ZPBP: variants seen among roughly 807,000 people sequenced by gnomAD.
ZPBP encodes zona pellucida binding protein, also known as zona pellucida-binding protein 1.
Under a neutral mutation model 44.8 loss-of-function variants are expected in ZPBP, and 26 were observed. That is an observed-to-expected ratio of 0.58 (90% confidence interval 0.43 to 0.81). The LOEUF is 0.81. ZPBP is among the 30% of genes least tolerant of loss of function. ZPBP has a pLI of 0.00. For synonymous variants in ZPBP, 174 were observed against 153.2 expected, an observed-to-expected ratio of 1.14 and a Z score of -1.00; for missense variants, 409 against 434.0, an observed-to-expected ratio of 0.94 and a Z score of 0.51.
chr7:49,861,227 A>G (rs1790639144), intron 2 of ZPBP, among the ~76,000 whole-genome samples: 3 of 152,010 alleles, frequency 2.0e-5, no homozygotes, highest in Non-Finnish European at 2.9e-5. Flanking sequence ...ATGGAATCCT[A>G]TTGTGGTTTG....
At chr7:49,873,812 T>C (rs1302953894) in intron 2 of ZPBP, among the ~76,000 whole-genome samples, 1 of 151,310 alleles carries the variant, frequency 6.6e-6, no homozygotes, top group Non-Finnish European at 1.5e-5. Context: ...AAGAGAAAAA[T>C]GGATTAATTA....
intron 2 of ZPBP, among the ~76,000 whole-genome samples, chr7:49,868,150 T>C (rs761755511): frequency 2.0e-4 from 30 of 152,102 alleles, no homozygotes; most frequent in Admixed American, 7.2e-4. Context: ...AATTACATTA[T>C]AAGTGAGGAA....
chr7:49,909,311 C>CA (rs1231671978), intron 1 of ZPBP, among the ~76,000 whole-genome samples: 1 of 151,690 alleles, frequency 6.6e-6, no homozygotes, highest in Non-Finnish European at 1.5e-5. Context: ...TTTACCTCTG[C>CA]AAAAAAAGAT....
chr7:49,982,194 A>G (rs1738267883), intron 7 of ZPBP, among the ~76,000 whole-genome samples: 1 of 37,608 alleles, frequency 2.7e-5, no homozygotes, highest in Non-Finnish European at 4.5e-5. Flanking sequence ...ATTATTATAT[A>G]TATTTATTAT....
rs148915437 is a variant in ZPBP, at chr7:49,905,792, A to G, written n.412-4577T>C. 3.3e-3 allele frequency among the ~76,000 whole-genome samples: 508 copies of G among 152,302 alleles called. 1 individual carries two copies. Among genetic ancestry groups the G allele is most frequent in the African/African-American group, 0.011 (469 of 41,564 alleles). On this transcript the variant is annotated intron_variant and non_coding_transcript_variant, in intron 1 of 2. Coordinates refer to the ZPBP transcript ENST00000465922. Reference sequence around the variant, plus strand: ...CGCAAGAAAGAGGTCGGCTCAAGAAACAGGTCATAAAGCCCTTGCTGATAA... The same window carrying G: ...CGCAAGAAAGAGGTCGGCTCAAGAAGCAGGTCATAAAGCCCTTGCTGATAA...
At chr7:49,929,983 A>T (rs770130168) in intron 1 of ZPBP, among the ~76,000 whole-genome samples, 6 of 152,232 alleles carry the variant, frequency 3.9e-5, no homozygotes, top group African/African-American at 1.4e-4. Context: ...AAATGAAGGT[A>T]TCACTTTCTA....
At chr7:49,983,836 A>C (rs899313367) in intron 6 of ZPBP, among the ~76,000 whole-genome samples, 3 of 152,086 alleles carry the variant, frequency 2.0e-5, no homozygotes, top group Non-Finnish European at 4.4e-5. Context: ...TTGATTAAGA[A>C]ATGTAATGTA....
At chr7:49,991,749 G>A (rs1303449176) in intron 6 of ZPBP, among the ~76,000 whole-genome samples, 1 of 151,952 alleles carries the variant, frequency 6.6e-6, no homozygotes, top group East Asian at 1.9e-4. Flanking sequence ...GACAGAGAGT[G>A]GGCAGGTAGA....
At chr7:49,905,376 C>T (rs1045970202) in intron 1 of ZPBP, among the ~76,000 whole-genome samples, 4 of 152,110 alleles carry the variant, frequency 2.6e-5, no homozygotes, top group African/African-American at 9.7e-5. Flanking sequence ...TGTGAAAGAA[C>T]CAGTACAATA....
intron 2 of ZPBP, among the ~76,000 whole-genome samples, chr7:49,875,933 C>T (rs956141016): frequency 6.6e-6 from 1 of 152,150 alleles, no homozygotes; most frequent in Non-Finnish European, 1.5e-5. Context: ...GTGTTTAATA[C>T]ATAGTGGCTG....
intron 7 of ZPBP, among the ~76,000 whole-genome samples, chr7:49,965,502 A>C (rs2128766886): frequency 6.6e-6 from 1 of 152,236 alleles, no homozygotes; most frequent in East Asian, 1.9e-4. Flanking sequence ...CTACACCAAA[A>C]GAAATATTAA....
intron 3 of ZPBP, among the ~76,000 whole-genome samples, chr7:50,076,622 A>G (rs1802095211): frequency 6.6e-6 from 1 of 151,908 alleles, no homozygotes; most frequent in Non-Finnish European, 1.5e-5. Flanking sequence ...AAAATGTAAA[A>G]AGAAATAAAA....
chr7:50,053,090 T>A (rs746991870), intron 4 of ZPBP, among the ~76,000 whole-genome samples: 1 of 152,082 alleles, frequency 6.6e-6, no homozygotes, highest in African/African-American at 2.4e-5. Context: ...AAAGTACACA[T>A]AAACCTGGAA....
At chr7:49,957,890 T>A (rs1795680569) in intron 7 of ZPBP, among the ~76,000 whole-genome samples, 1 of 152,158 alleles carries the variant, frequency 6.6e-6, no homozygotes, top group South Asian at 2.1e-4. Context: ...GAGCTGTTGT[T>A]TGAGCTATGA....
In ZPBP at chr7:49,983,469, G is replaced by A. The variant is rs369938364; in HGVS notation, c.834C>T (p.Gly278=). 3.8e-4 allele frequency: 616 copies of A among 1,609,848 alleles called. 2 individuals carry two copies. Among genetic ancestry groups the A allele is most frequent in the Middle Eastern group, 2.2e-3 (13 of 6,032 alleles). The change falls in exon 7 of 8, where the codon GGC becomes GGT. Residue 278 remains glycine (G), a synonymous_variant. Coordinates refer to ENST00000046087, the MANE Select transcript of ZPBP (RefSeq NM_007009.3). ...RFFNQQVEIL[G]RRAEQLPQIY... is the part of the protein sequence containing the mutation. ...TTTGAGGTAATTGTTCTGCACGTCT[G>A]CCAAGAATTTCTACTTGTTGATTAA... is the stretch of plus-strand genomic sequence containing the variant.
intron 5 of ZPBP, among the ~76,000 whole-genome samples, chr7:50,022,164 C>G (rs1015359086): frequency 6.6e-6 from 1 of 152,014 alleles, no homozygotes; most frequent in Non-Finnish European, 1.5e-5. Context: ...TAGATAGTAA[C>G]TTGTTACTAC....
chr7:50,068,887 T>C (rs1172507264), intron 3 of ZPBP, among the ~76,000 whole-genome samples: 1 of 152,238 alleles, frequency 6.6e-6, no homozygotes, highest in Non-Finnish European at 1.5e-5. Flanking sequence ...TGCTTTTATC[T>C]GCACCCTGGA....
At chr7:49,990,872 C>A (rs1039192997) in intron 6 of ZPBP, among the ~76,000 whole-genome samples, 1 of 152,202 alleles carries the variant, frequency 6.6e-6, no homozygotes, top group East Asian at 1.9e-4. Flanking sequence ...GATTAGTTAA[C>A]AAGATTAGTT....
intron 2 of ZPBP, among the ~76,000 whole-genome samples, chr7:49,859,641 C>T (rs1032713368): frequency 6.6e-6 from 1 of 152,232 alleles, no homozygotes; most frequent in Non-Finnish European, 1.5e-5. Context: ...CTATTGCATG[C>T]GAATACTGTG....
Sources: gnomAD v4.1 joint callset for allele counts (sites outside exome capture counted in the v4.1 genomes callset) on GRCh38, gnomAD v4.1.1 for gene constraint, MANE v1.5 for transcripts, NCBI Gene and HGNC (gene_info 2026-07-23, HGNC 2026-07-21) for gene names.